The following KCNQ5 variants were observed in gnomAD, a reference collection of about 807,000 sequenced individuals.
KCNQ5 encodes the protein potassium voltage-gated channel subfamily Q member 5.
In KCNQ5, 30 loss-of-function variants were observed where a neutral mutation model predicts 98.2. The ratio of observed to expected loss-of-function variants is 0.31; its 90% CI spans 0.23 to 0.41. The LOEUF (loss-of-function observed/expected upper bound fraction) is 0.41. Ranked by LOEUF, KCNQ5 falls within the 10% of genes least tolerant of loss-of-function variation. The pLI is 1.00. For synonymous variants in KCNQ5, 458 were observed against 449.4 expected (o/e 1.02, Z -0.24); for missense variants, 835 against 1,182.5 (o/e 0.71, Z 4.31).
intron 1 of KCNQ5, among the ~76,000 whole-genome samples, chr6:72,666,870 T>C (rs1766845049): frequency 6.6e-6 from 1 of 152,182 alleles, no homozygotes; most frequent in African/African-American, 2.4e-5. Context: ...GGGTTCCAAC[T>C]AAATGTGCAA....
At chr6:72,979,640 G>C (rs1339321779) in intron 1 of KCNQ5, among the ~76,000 whole-genome samples, 2 of 152,196 alleles carry the variant, frequency 1.3e-5, no homozygotes, top group Non-Finnish European at 2.9e-5. Context: ...TGTTCACTCT[G>C]ATGGTAGTTT....
chr6:72,743,946 A>G (rs1460687204), intron 1 of KCNQ5, among the ~76,000 whole-genome samples: 1 of 152,146 alleles, frequency 6.6e-6, no homozygotes, highest in Non-Finnish European at 1.5e-5. Flanking sequence ...GCAGAAGTTC[A>G]TTTCTCCCTC....
chr6:72,951,353 T>A (rs1766794502), intron 1 of KCNQ5, among the ~76,000 whole-genome samples: 2 of 152,112 alleles, frequency 1.3e-5, no homozygotes, highest in Admixed American at 1.3e-4. Context: ...CTCAGCTCAC[T>A]GCAACCTCTG....
At chr6:72,861,167 A>T (rs1418287608) in intron 1 of KCNQ5, among the ~76,000 whole-genome samples, 1 of 152,184 alleles carries the variant, frequency 6.6e-6, no homozygotes, top group African/African-American at 2.4e-5. Context: ...AGAATGAAGA[A>T]GTCCAGCCAA....
At chr6:72,795,793 T>C (rs1026673341) in intron 1 of KCNQ5, among the ~76,000 whole-genome samples, 5 of 152,218 alleles carry the variant, frequency 3.3e-5, no homozygotes, top group African/African-American at 9.6e-5. Context: ...ATCCCAGCTA[T>C]GTTATCACTT....
intron 11 of KCNQ5, among the ~76,000 whole-genome samples, chr6:73,178,113 TG>T (rs967435824): frequency 1.3e-5 from 2 of 151,116 alleles, no homozygotes; most frequent in African/African-American, 2.4e-5. Flanking sequence ...CTTTATTATT[TG>T]GTTTTTTTTT....
chr6:72,897,399 G>A lies in KCNQ5; in HGVS notation c.399-106509G>A, dbSNP rs188065173. On this transcript the variant is annotated intron_variant, in intron 1 of 13. Transcript: ENST00000370398. ...TACTAAAAGTACAAAAAAATTAGCC[G>A]GGCATGGTGGCACACGCTTGTAATC... Among the ~76,000 whole-genome samples the A allele has an allele frequency of 9.8e-4, 149 of 152,056 alleles. 3 individuals are homozygous for A. The highest frequency in any genetic ancestry group is 5.8e-4 in the East Asian group (3 of 5,154).
Position 72,622,225 on chromosome 6 carries a change from C to T in KCNQ5, c.36C>T (p.Gly12=), listed in dbSNP as rs1250006993. The change falls in exon 1 of 14, where the codon GGC becomes GGT. Residue 12 remains glycine, a synonymous_variant. Transcript: ENST00000370398. The surrounding 1 kb of genome is among the most constrained non-coding windows in gnomAD (Gnocchi z 6.0). ...PRHHAGGEEG[G]AAGLWVKSGA... is the part of the protein sequence containing the mutation. Reference sequence around the variant, plus strand: ...ACCACGCGGGAGGAGAGGAGGGCGGCGCCGCCGGGCTCTGGGTGAAGAGCG... The same window carrying T: ...ACCACGCGGGAGGAGAGGAGGGCGGTGCCGCCGGGCTCTGGGTGAAGAGCG... 4.9e-6 allele frequency: 6 copies of T among 1,234,592 alleles called. No homozygotes were observed. Among genetic ancestry groups the T allele is most frequent in the Non-Finnish European group, 6.1e-6 (6 of 990,422 alleles). The allele number at this position is 1,234,592 out of a possible 1,614,324, so 76.5% of individuals were successfully genotyped here.
intron 1 of KCNQ5, among the ~76,000 whole-genome samples, chr6:72,809,836 T>C (rs1404014344): frequency 1.3e-5 from 2 of 152,300 alleles, no homozygotes; most frequent in East Asian, 3.9e-4. Context: ...CTCGATGTGG[T>C]CTGTGTATTT....
chr6:72,764,599 T>C (rs1157718816), intron 1 of KCNQ5, among the ~76,000 whole-genome samples: 1 of 152,004 alleles, frequency 6.6e-6, no homozygotes, highest in African/African-American at 2.4e-5. Context: ...CATTTATCCA[T>C]TGGGTTGCAA....
At chr6:72,655,614 T>C (rs1255383607) in intron 1 of KCNQ5, among the ~76,000 whole-genome samples, 1 of 152,144 alleles carries the variant, frequency 6.6e-6, no homozygotes, top group Non-Finnish European at 1.5e-5. Flanking sequence ...TAGGAAATTA[T>C]TGTCCTGTTG....
intron 1 of KCNQ5, among the ~76,000 whole-genome samples, chr6:72,742,158 G>C (rs897283610): frequency 6.6e-6 from 1 of 152,188 alleles, no homozygotes; most frequent in East Asian, 1.9e-4. Context: ...TCGGGGGAAG[G>C]GTTAAGAATC....
intron 5 of KCNQ5, among the ~76,000 whole-genome samples, chr6:73,095,722 C>T (rs527490848): frequency 6.6e-6 from 1 of 152,238 alleles, no homozygotes; most frequent in Non-Finnish European, 1.5e-5. Context: ...ACAAGTCTTC[C>T]AGACTCCGGG....
chr6:72,707,907 A>G (rs115285418), intron 1 of KCNQ5, among the ~76,000 whole-genome samples: 113 of 151,910 alleles, frequency 7.4e-4, no homozygotes, highest in African/African-American at 2.6e-3. Flanking sequence ...CTGATCTCGA[A>G]CTCCTGGCTT....
Position 73,124,527 on chromosome 6 carries a change from T to C in KCNQ5, c.1247+15T>C. ...GCATCAAGCAGGTTTGTGATTTCTC[T>C]CTTGCTACATGTTTGTTTATAAATC... is the stretch of plus-strand genomic sequence containing the variant. On this transcript the variant is annotated intron_variant, in intron 9 of 13. Transcript: ENST00000370398. 1 of 1,612,466 alleles carries C rather than the reference T, an allele frequency of 6.2e-7. No homozygotes were observed. Among genetic ancestry groups the C allele is most frequent in the Non-Finnish European group, 8.5e-7 (1 of 1,178,564 alleles).
At chr6:73,184,707 G>A (rs1778507163) in intron 11 of KCNQ5, among the ~76,000 whole-genome samples, 1 of 152,232 alleles carries the variant, frequency 6.6e-6, no homozygotes, top group Non-Finnish European at 1.5e-5. Context: ...ACCCCAGTGA[G>A]GGTGGTTAGG....
intron 1 of KCNQ5, chr6:72,678,285 A>G (rs1565075103): frequency 6.6e-6 from 1 of 152,198 alleles, no homozygotes; most frequent in Non-Finnish European, 1.5e-5. Flanking sequence ...GCCAAACATC[A>G]TATTAAACAC....
intron 10 of KCNQ5, among the ~76,000 whole-genome samples, chr6:73,134,620 C>T (rs1345741062): frequency 6.6e-6 from 1 of 152,236 alleles, no homozygotes; most frequent in African/African-American, 2.4e-5. Context: ...ATATCTCTTC[C>T]ACGCTCAAGT....
At chr6:73,036,183 A>G (rs983222779) in intron 2 of KCNQ5, among the ~76,000 whole-genome samples, 4 of 151,842 alleles carry the variant, frequency 2.6e-5, no homozygotes, top group South Asian at 2.1e-4. Context: ...TCAGGAGATC[A>G]AGACCATCCT....
Sources: allele counts gnomAD v4.1 joint callset (sites outside exome capture counted in the v4.1 genomes callset), GRCh38; gene constraint gnomAD v4.1.1; non-coding constraint Gnocchi (gnomAD v3.1); transcripts MANE v1.5; gene names NCBI Gene and HGNC (gene_info 2026-07-23, HGNC 2026-07-21).